MYRIP: variants seen among roughly 807,000 people sequenced by gnomAD.
MYRIP encodes the protein myosin VIIA and Rab interacting protein, also known as rab effector MyRIP.
MYRIP carries 49 observed loss-of-function variants against 98.0 expected under a neutral mutation model. That is an observed-to-expected ratio of 0.50 (90% confidence interval 0.40 to 0.63). The LOEUF (loss-of-function observed/expected upper bound fraction) is 0.63. Among genes scored for constraint, MYRIP ranks in the 30% least tolerant of loss-of-function variants. The probability of loss-of-function intolerance (pLI) is 0.00; values close to 1 mark genes in which losing one functional copy is unlikely to be tolerated. For synonymous variants in MYRIP, 404 were observed against 409.5 expected (o/e 0.99, Z 0.16); for missense variants, 1,004 against 1,058.2 (o/e 0.95, Z 0.71).
intron 2 of MYRIP, among the ~76,000 whole-genome samples, chr3:39,999,722 C>T (rs1183331283): frequency 6.6e-6 from 1 of 152,100 alleles, no homozygotes; most frequent in Non-Finnish European, 1.5e-5. Context: ...AAGACACATG[C>T]ACACATATGT....
intron 1 of MYRIP, among the ~76,000 whole-genome samples, chr3:39,896,359 G>A (rs947672917): frequency 6.6e-6 from 1 of 152,310 alleles, no homozygotes; most frequent in African/African-American, 2.4e-5. Flanking sequence ...TTTCAGAGAA[G>A]GGGCCAGTTC....
At chr3:40,114,593 G>A (rs1286556725) in intron 3 of MYRIP, among the ~76,000 whole-genome samples, 2 of 152,142 alleles carry the variant, frequency 1.3e-5, no homozygotes, top group Non-Finnish European at 2.9e-5. Context: ...ACAAATCAAT[G>A]GCAACAAGCC....
intron 3 of MYRIP, among the ~76,000 whole-genome samples, chr3:40,065,674 G>A (rs1398116862): frequency 6.6e-6 from 1 of 152,110 alleles, no homozygotes; most frequent in Non-Finnish European, 1.5e-5. Context: ...TAAAACAAGA[G>A]GTAGATGCTT....
intron 4 of MYRIP, among the ~76,000 whole-genome samples, chr3:40,158,713 G>A (rs1336577699): frequency 6.6e-6 from 1 of 151,928 alleles, no homozygotes; most frequent in Non-Finnish European, 1.5e-5. Context: ...AGGATACTTA[G>A]CTCTTCTTGT....
intron 9 of MYRIP, among the ~76,000 whole-genome samples, chr3:40,188,121 G>A (rs762971612): frequency 6.6e-6 from 1 of 152,318 alleles, no homozygotes; most frequent in Middle Eastern, 3.4e-3. Context: ...GTCAGGCAGT[G>A]GAAGTGGAAC....
intron 5 of MYRIP, chr3:40,163,019 G>C (rs1950429795): frequency 2.1e-6 from 1 of 478,596 alleles, no homozygotes; most frequent in Admixed American, 3.8e-5. Flanking sequence ...GTGGCCAAGA[G>C]AACAGCATTC....
chr3:40,145,590 AG>A (rs773813100), intron 3 of MYRIP, among the ~76,000 whole-genome samples: 10 of 152,168 alleles, frequency 6.6e-5, no homozygotes, highest in Non-Finnish European at 1.3e-4. Context: ...CCACTTTGAG[AG>A]GGACTTTAGA....
At chr3:40,007,315 C>T (rs1375675998) in intron 2 of MYRIP, among the ~76,000 whole-genome samples, 1 of 150,148 alleles carries the variant, frequency 6.7e-6, no homozygotes, top group Non-Finnish European at 1.5e-5. Context: ...AGGCTGTCCT[C>T]TGACTTTGCA....
intron 2 of MYRIP, among the ~76,000 whole-genome samples, chr3:39,994,164 C>T (rs1288976273): frequency 6.6e-6 from 1 of 152,242 alleles, no homozygotes; most frequent in Non-Finnish European, 1.5e-5. Context: ...CTGGGTTCAT[C>T]TCACTGGGGA....
At chr3:40,031,403 T>C (rs1298920102) in intron 2 of MYRIP, among the ~76,000 whole-genome samples, 1 of 152,184 alleles carries the variant, frequency 6.6e-6, no homozygotes, top group African/African-American at 2.4e-5. Context: ...CAGAGTGGTC[T>C]GTCTAATCCA....
At chr3:40,180,328 T>A (rs955353151) in intron 8 of MYRIP, among the ~76,000 whole-genome samples, 1 of 152,238 alleles carries the variant, frequency 6.6e-6, no homozygotes, top group Non-Finnish European at 1.5e-5. Flanking sequence ...ATTCACTCGA[T>A]AGCAAACATT....
intron 2 of MYRIP, among the ~76,000 whole-genome samples, chr3:39,903,066 A>G (rs1943782034): frequency 6.6e-6 from 1 of 152,150 alleles, no homozygotes. Flanking sequence ...TTCTCTGAAG[A>G]CAGTTGTTAC....
At chr3:39,858,903 A>C (rs1327705451) in intron 1 of MYRIP, among the ~76,000 whole-genome samples, 1 of 152,122 alleles carries the variant, frequency 6.6e-6, no homozygotes. Flanking sequence ...CTGAGAGGGA[A>C]GTTGTTAGCA....
intron 8 of MYRIP, among the ~76,000 whole-genome samples, chr3:40,179,970 C>A (rs1950849051): frequency 6.6e-6 from 1 of 152,212 alleles, no homozygotes; most frequent in South Asian, 2.1e-4. Flanking sequence ...TCTATCCTCT[C>A]TGAAAGCTGC....
intron 3 of MYRIP, among the ~76,000 whole-genome samples, chr3:40,143,987 A>C (rs1949962244): frequency 6.6e-6 from 1 of 152,220 alleles, no homozygotes; most frequent in Admixed American, 6.5e-5. Context: ...GGAATGCTAT[A>C]GAGTTTTGGT....
At chr3:39,920,065 A>C (rs1345039073) in intron 2 of MYRIP, among the ~76,000 whole-genome samples, 1 of 152,134 alleles carries the variant, frequency 6.6e-6, no homozygotes, top group Non-Finnish European at 1.5e-5. Context: ...ATCCTCATTT[A>C]AAATGAAAGC....
intron 10 of MYRIP, among the ~76,000 whole-genome samples, chr3:40,195,520 T>C (rs1951362921): frequency 6.6e-6 from 1 of 152,154 alleles, no homozygotes; most frequent in African/African-American, 2.4e-5. Context: ...GGTCTTGAAC[T>C]CCTGAGCTTA....
intron 2 of MYRIP, among the ~76,000 whole-genome samples, chr3:40,036,663 G>T (rs533721008): frequency 1.3e-5 from 2 of 152,128 alleles, no homozygotes; most frequent in South Asian, 2.1e-4. Context: ...CACCCCATTT[G>T]CAACCAGATG....
chr3:39,920,479 A>G (rs1271263351), intron 2 of MYRIP, among the ~76,000 whole-genome samples: 1 of 152,146 alleles, frequency 6.6e-6, no homozygotes, highest in Non-Finnish European at 1.5e-5. Flanking sequence ...AGCTGCTGAG[A>G]CATTTTGTTT....
Sources: allele counts gnomAD v4.1 joint callset (sites outside exome capture counted in the v4.1 genomes callset), GRCh38; gene constraint gnomAD v4.1.1; transcripts MANE v1.5; gene names NCBI Gene and HGNC (gene_info 2026-07-23, HGNC 2026-07-21).